The following MRTFA variants were observed in gnomAD, a reference collection of about 807,000 sequenced individuals.
MRTFA encodes the protein myocardin-related transcription factor A.
A neutral mutation model predicts 83.5 loss-of-function variants in MRTFA; 20 were observed. That is an observed-to-expected ratio of 0.24 (90% CI 0.17 to 0.35). MRTFA has a LOEUF of 0.35. Ranked by LOEUF, MRTFA falls within the 10% of genes least tolerant of loss-of-function variation. The pLI is 1.00. For missense variants in MRTFA, 1,200 were observed against 1,224.7 expected (o/e 0.98, Z 0.30); for synonymous variants, 659 against 541.2 (o/e 1.22, Z -3.02).
At chr22:40,526,990 A>T (rs2054986538) in intron 3 of MRTFA, among the ~76,000 whole-genome samples, 1 of 151,930 alleles carries the variant, frequency 6.6e-6, no homozygotes. Context: ...ACTGGGGTGC[A>T]GCGGTACACG....
intron 1 of MRTFA, among the ~76,000 whole-genome samples, chr22:40,604,199 C>G (rs1423496253): frequency 6.6e-6 from 1 of 150,846 alleles, no homozygotes; most frequent in Non-Finnish European, 1.5e-5. Flanking sequence ...GGCACCATCT[C>G]GGCTCACTGC....
At chr22:40,614,511 G>C (rs930907543) in intron 1 of MRTFA, among the ~76,000 whole-genome samples, 1 of 151,904 alleles carries the variant, frequency 6.6e-6, no homozygotes, top group African/African-American at 2.4e-5. Context: ...CTTTTGAGAC[G>C]GAGTTTCGCT....
chr22:40,450,476 G>A (rs1259290075), intron 4 of MRTFA, among the ~76,000 whole-genome samples: 1 of 151,414 alleles, frequency 6.6e-6, no homozygotes, highest in East Asian at 1.9e-4. Context: ...TCATTTTTGA[G>A]ATGGAGTCTA....
intron 2 of MRTFA, among the ~76,000 whole-genome samples, chr22:40,576,097 C>T (rs1433847299): frequency 2.7e-5 from 4 of 147,194 alleles, no homozygotes; most frequent in South Asian, 2.1e-4. Context: ...GGCATGATCT[C>T]GGCTCACTGC....
chr22:40,592,267 A>C (rs1302725836), intron 2 of MRTFA, among the ~76,000 whole-genome samples: 6 of 40,234 alleles, frequency 1.5e-4, no homozygotes, highest in Non-Finnish European at 3.4e-4. Context: ...CAGTCTCTAC[A>C]AAAAAAAAAA....
chr22:40,565,271 G>A (rs1278139293), intron 2 of MRTFA, among the ~76,000 whole-genome samples: 1 of 152,070 alleles, frequency 6.6e-6, no homozygotes, highest in African/African-American at 2.4e-5. Flanking sequence ...GGTAGGCTGG[G>A]TGCAGTGGTG....
chr22:40,538,491 C>T (rs1231311813), intron 3 of MRTFA, among the ~76,000 whole-genome samples: 4 of 150,230 alleles, frequency 2.7e-5, no homozygotes, highest in Admixed American at 1.3e-4. Flanking sequence ...TGTTTATCTG[C>T]TGACCTTCCC....
Position 40,419,144 on chromosome 22 carries a change from C to A in MRTFA, c.1594G>T (p.Val532Leu). Reference sequence around the variant, plus strand: ...CCACTGCTGGCCACCGTGGCCACCACCACCTCAGCTGGAGCCAGGCCTGCT... The same window carrying A: ...CCACTGCTGGCCACCGTGGCCACCAACACCTCAGCTGGAGCCAGGCCTGCT... The change falls in exon 12 of 15, where the codon GTG becomes TTG. Residue 532 changes from valine to leucine, a missense_variant. This residue lies in a region of MRTFA where 1,107 missense variants were observed against 1,041.8 expected (regional missense o/e 1.06). Transcript: ENST00000355630. 1 of 1,586,606 alleles carries A rather than the reference C, an allele frequency of 6.3e-7. No individual in the cohort carries two copies. Among genetic ancestry groups the A allele is most frequent in the Non-Finnish European group, 8.6e-7 (1 of 1,166,328 alleles).
chr22:40,568,384 G>C (rs997684), intron 2 of MRTFA, among the ~76,000 whole-genome samples: 82,074 of 152,064 alleles, frequency 0.54, 22,861 homozygotes, highest in East Asian at 0.88. Flanking sequence ...TTTTCACTTA[G>C]TTGTGGTTAT....
At chr22:40,577,989 C>T (rs552492082) in intron 2 of MRTFA, among the ~76,000 whole-genome samples, 34 of 151,470 alleles carry the variant, frequency 2.2e-4, no homozygotes, top group African/African-American at 7.5e-4. Flanking sequence ...AGTCTTGCTT[C>T]GTCACCCAGG....
intron 3 of MRTFA, among the ~76,000 whole-genome samples, chr22:40,511,817 G>GAGTC (rs1360848133): frequency 2.6e-5 from 4 of 152,210 alleles, no homozygotes; most frequent in Admixed American, 6.5e-5. Context: ...GTGCTAGAGA[G>GAGTC]AGTCCTCAGC....
chr22:40,517,651 T>C (rs2054783787), intron 3 of MRTFA, among the ~76,000 whole-genome samples: 7 of 152,192 alleles, frequency 4.6e-5, no homozygotes, highest in Admixed American at 4.6e-4. Context: ...GTCTTTGTCT[T>C]CACTCCTGGC....
At chr22:40,412,106 T>C (rs938952055) in intron 14 of MRTFA, 199 bp from the exon 15 acceptor site, 6 of 429,752 alleles carry the variant, frequency 1.4e-5, no homozygotes, top group Non-Finnish European at 2.3e-5. Flanking sequence ...AGAAGTGATA[T>C]CCGGAATACA....
At chr22:40,430,536 C>T (rs987227908) in intron 6 of MRTFA, among the ~76,000 whole-genome samples, 3 of 151,734 alleles carry the variant, frequency 2.0e-5, no homozygotes, top group Middle Eastern at 3.4e-3. Flanking sequence ...ATGCTGCTTC[C>T]AGGAGCCAAA....
At chr22:40,571,131 C>T (rs1195518514) in intron 2 of MRTFA, among the ~76,000 whole-genome samples, 1 of 150,792 alleles carries the variant, frequency 6.6e-6, no homozygotes, top group African/African-American at 2.4e-5. Context: ...ATCACCTGAG[C>T]CCAGGAAGGT....
intron 3 of MRTFA, among the ~76,000 whole-genome samples, chr22:40,480,090 A>T (rs1181699052): frequency 6.6e-6 from 1 of 152,194 alleles, no homozygotes; most frequent in Non-Finnish European, 1.5e-5. Context: ...AGCTATGCAG[A>T]CGATACAACT....
chr22:40,617,777 G>A (rs1315034009), intron 1 of MRTFA, among the ~76,000 whole-genome samples: 1 of 151,268 alleles, frequency 6.6e-6, no homozygotes. Flanking sequence ...GCCATTAGGA[G>A]AATAATGTCC....
intron 1 of MRTFA, among the ~76,000 whole-genome samples, chr22:40,599,243 A>G (rs1340657911): frequency 6.6e-6 from 1 of 152,088 alleles, no homozygotes; most frequent in African/African-American, 2.4e-5. Context: ...GGTTGCAGTG[A>G]GCCGAGATCG....
intron 3 of MRTFA, among the ~76,000 whole-genome samples, chr22:40,498,892 C>G (rs2054407827): frequency 1.3e-5 from 2 of 152,080 alleles, no homozygotes; most frequent in Admixed American, 1.3e-4. Context: ...ATTTCCTTAC[C>G]TGAAAATAAA....
Sources: allele counts gnomAD v4.1 joint callset (sites outside exome capture counted in the v4.1 genomes callset), GRCh38; gene constraint gnomAD v4.1.1; regional missense constraint gnomAD v4.1.1; transcripts MANE v1.5; gene names NCBI Gene and HGNC (gene_info 2026-07-23, HGNC 2026-07-21).